The following ASH1L variants were observed in gnomAD, a reference collection of about 807,000 sequenced individuals.
ASH1L encodes histone-lysine N-methyltransferase ASH1L.
A neutral mutation model predicts 269.0 loss-of-function variants in ASH1L; 23 were observed. The observed-to-expected ratio is 0.09, with a 90% CI of 0.06 to 0.12. The LOEUF is 0.12. Ranked by LOEUF, ASH1L falls within the 10% of genes least tolerant of loss-of-function variation. The pLI is 1.00. For synonymous variants in ASH1L, 1,187 were observed against 1,253.5 expected, an observed-to-expected ratio of 0.95 and a Z score of 1.12; for missense variants, 2,912 against 3,567.8, an observed-to-expected ratio of 0.82 and a Z score of 4.68.
chr1:155,432,031 A>C (rs908529939), intron 5 of ASH1L, among the ~76,000 whole-genome samples: 1 of 152,196 alleles, frequency 6.6e-6, no homozygotes, highest in Non-Finnish European at 1.5e-5. Context: ...CATAACCATT[A>C]AATTCTTCCT....
At chr1:155,486,178 T>C (rs751161716) in intron 2 of ASH1L, among the ~76,000 whole-genome samples, 3 of 152,162 alleles carry the variant, frequency 2.0e-5, no homozygotes, top group Non-Finnish European at 4.4e-5. Context: ...TTTAAGTTTG[T>C]AAATATCCCT....
In ASH1L at chr1:155,479,999, A is replaced by G. The variant is rs1665838021; in HGVS notation, c.2871T>C (p.Cys957=). 1.9e-6 allele frequency: 3 copies of G among 1,613,976 alleles called. No homozygotes were observed. The highest frequency in any genetic ancestry group is 1.7e-6 in the Non-Finnish European group (2 of 1,179,998). ...GTTCCATCTCAAGGTCACTCATACT[A>G]CAGACACTTGGCCTATGACTGTCAT... ...DLDDSHRPSV[C]SMSDLEMEPD... Residue 957 remains cysteine, a synonymous_variant, in exon 3 of 28, where the codon TGT becomes TGC. Coordinates refer to ENST00000392403, the MANE Select transcript of ASH1L (RefSeq NM_018489.3).
At chr1:155,356,642 C>CAA (rs1277769920) in intron 15 of ASH1L, among the ~76,000 whole-genome samples, 25 of 67,546 alleles carry the variant, frequency 3.7e-4, no homozygotes, top group African/African-American at 8.5e-4. Flanking sequence ...GACTCCGTCT[C>CAA]AAAAAAAAAA....
At chr1:155,472,919 CTGTT>C (rs1227181465) in intron 3 of ASH1L, among the ~76,000 whole-genome samples, 3 of 152,106 alleles carry the variant, frequency 2.0e-5, no homozygotes, top group Non-Finnish European at 4.4e-5. Flanking sequence ...CTACCCAAGG[CTGTT>C]TGTTTTTCAC....
intron 4 of ASH1L, among the ~76,000 whole-genome samples, chr1:155,446,489 G>C (rs1003142261): frequency 6.7e-6 from 1 of 150,134 alleles, no homozygotes; most frequent in Non-Finnish European, 1.5e-5. Context: ...TGCAGAGATG[G>C]GGTTTCACCA....
intron 12 of ASH1L, among the ~76,000 whole-genome samples, chr1:155,368,069 C>G (rs1319548321): frequency 6.6e-6 from 1 of 152,158 alleles, no homozygotes; most frequent in Non-Finnish European, 1.5e-5. Flanking sequence ...GTTGCATGAT[C>G]ACAGGAAACT....
chr1:155,453,355 A>G (rs1275271755), intron 4 of ASH1L, among the ~76,000 whole-genome samples: 1 of 152,138 alleles, frequency 6.6e-6, no homozygotes, highest in Non-Finnish European at 1.5e-5. Context: ...ACTCCATCCC[A>G]TAAAAAAGAA....
At chr1:155,494,674 G>A (rs1202003236) in intron 2 of ASH1L, among the ~76,000 whole-genome samples, 1 of 152,124 alleles carries the variant, frequency 6.6e-6, no homozygotes, top group Non-Finnish European at 1.5e-5. Flanking sequence ...TCACTTAGAG[G>A]AAGACTGAAA....
intron 1 of ASH1L, among the ~76,000 whole-genome samples, chr1:155,538,180 A>G (rs1011349023): frequency 7.3e-5 from 11 of 151,248 alleles, no homozygotes; most frequent in Admixed American, 6.6e-4. Flanking sequence ...GCGCATCACC[A>G]GGCCAGGCTA....
intron 5 of ASH1L, among the ~76,000 whole-genome samples, chr1:155,427,590 G>A (rs1254478209): frequency 6.6e-6 from 1 of 150,502 alleles, no homozygotes; most frequent in African/African-American, 2.4e-5. Flanking sequence ...AGGCAAGAGC[G>A]ACTGCGCCCG....
At chr1:155,416,157 A>C (rs533652104) in intron 5 of ASH1L, among the ~76,000 whole-genome samples, 3 of 151,752 alleles carry the variant, frequency 2.0e-5, no homozygotes, top group Admixed American at 6.6e-5. Context: ...TTGAGTCGGA[A>C]TCTTTCTCTG....
At chr1:155,381,028 T>G (rs563306696) in intron 7 of ASH1L, among the ~76,000 whole-genome samples, 28 of 152,194 alleles carry the variant, frequency 1.8e-4, no homozygotes, top group African/African-American at 6.0e-4. Context: ...CAGAAGGTAA[T>G]AAGGGAGCTG....
chr1:155,493,338 C>T (rs2148770859), intron 2 of ASH1L, among the ~76,000 whole-genome samples: 1 of 152,286 alleles, frequency 6.6e-6, no homozygotes, highest in African/African-American at 2.4e-5. Context: ...TTAACTTTAG[C>T]TCTACAATAA....
At chr1:155,474,863 T>C (rs529482994) in intron 3 of ASH1L, among the ~76,000 whole-genome samples, 1 of 152,356 alleles carries the variant, frequency 6.6e-6, no homozygotes, top group African/African-American at 2.4e-5. Context: ...TGCAATTGCC[T>C]ATTAACCAGT....
chr1:155,410,797 G>T (rs530863757), intron 6 of ASH1L, among the ~76,000 whole-genome samples: 19 of 149,054 alleles, frequency 1.3e-4, no homozygotes, highest in South Asian at 4.2e-4. Context: ...GTAGAGACAA[G>T]GTCTTGCTAT....
chr1:155,349,480 G>A (rs757400481), intron 18 of ASH1L, 21 bp from the exon 19 acceptor site: 24 of 1,613,982 alleles, frequency 1.5e-5, no homozygotes, highest in East Asian at 4.5e-5. Context: ...AAGCCAGGGT[G>A]TCAATCTGGC....
intron 20 of ASH1L, 58 bp from the exon 21 acceptor site, chr1:155,346,527 T>G: frequency 6.8e-7 from 1 of 1,469,778 alleles, no homozygotes; most frequent in Non-Finnish European, 9.5e-7. Flanking sequence ...GAGAGTGTCC[T>G]GGGAGCCCAG....
intron 5 of ASH1L, among the ~76,000 whole-genome samples, chr1:155,423,842 G>C (rs992248632): frequency 2.0e-5 from 3 of 152,096 alleles, no homozygotes; most frequent in African/African-American, 7.2e-5. Flanking sequence ...CAATTAACCT[G>C]CCTCAGCCTC....
chr1:155,481,139 C>A lies in ASH1L; in HGVS notation c.1731G>T (p.Gln577His). ...LTRSPPETSS[Q>H]LAPNPLLLSS... ...TTAAAAGTAATGGATTAGGAGCCAA[C>A]TGTGAAGAAGTTTCAGGGGGACTTC... Residue 577 changes from glutamine to histidine, a missense_variant, in exon 3 of 28, where the codon CAG becomes CAT. Coordinates refer to ENST00000392403, the MANE Select transcript of ASH1L (RefSeq NM_018489.3). 1 of 1,614,076 alleles carries A rather than the reference C, an allele frequency of 6.2e-7. No individual in the cohort carries two copies. The highest frequency in any genetic ancestry group is 8.5e-7 in the Non-Finnish European group (1 of 1,179,998).
Sources: allele counts gnomAD v4.1 joint callset (sites outside exome capture counted in the v4.1 genomes callset), GRCh38; gene constraint gnomAD v4.1.1; transcripts MANE v1.5; gene names NCBI Gene and HGNC (gene_info 2026-07-23, HGNC 2026-07-21).